Variants in TBC1D14 observed in about 807,000 individuals in gnomAD.
The protein encoded by TBC1D14 is TBC1 domain family member 14.
Under a neutral mutation model 79.0 loss-of-function variants are expected in TBC1D14, and 26 were observed. That is an observed-to-expected ratio of 0.33 (90% CI 0.24 to 0.46). The LOEUF is 0.46. TBC1D14 is among the 20% of genes least tolerant of loss of function. The pLI, the probability that TBC1D14 is intolerant of heterozygous loss-of-function variation, is 1.00. For synonymous variants in TBC1D14, 394 were observed against 349.9 expected, an observed-to-expected ratio of 1.13 and a Z score of -1.40; for missense variants, 769 against 887.6, an observed-to-expected ratio of 0.87 and a Z score of 1.70.
chr4:7,020,534 G>A (rs1030628062), intron 12 of TBC1D14, among the ~76,000 whole-genome samples: 2 of 152,178 alleles, frequency 1.3e-5, no homozygotes, highest in Admixed American at 6.5e-5. Context: ...GGTCAGGTTG[G>A]GAAAATGGGG....
intron 3 of TBC1D14, among the ~76,000 whole-genome samples, chr4:6,986,968 A>G (rs1451754737): frequency 6.6e-6 from 1 of 152,216 alleles, no homozygotes; most frequent in African/African-American, 2.4e-5. Flanking sequence ...TCTTTTGGCA[A>G]CACGTTTCTC....
At chr4:6,984,445 A>G (rs1717643621) in intron 3 of TBC1D14, among the ~76,000 whole-genome samples, 1 of 151,856 alleles carries the variant, frequency 6.6e-6, no homozygotes, top group Non-Finnish European at 1.5e-5. Context: ...CCAAAAAACA[A>G]CCTTGCTGCA....
At chr4:6,945,152 G>A (rs1713306807) in intron 2 of TBC1D14, among the ~76,000 whole-genome samples, 1 of 152,156 alleles carries the variant, frequency 6.6e-6, no homozygotes, top group Admixed American at 6.5e-5. Flanking sequence ...TCTGAGCTTG[G>A]CATTTTCCAT....
rs1016375340 is a variant in TBC1D14, at chr4:7,032,661, C to G, written c.*2269C>G. ...CAGAAAGTTCTAAGTTCTGAGTCCC[C>G]GGCCAGGGTCCCTTAACACCTCGGC... On this transcript the variant is annotated 3_prime_UTR_variant, in exon 14 of 14. Transcript: ENST00000409757. The G allele has an allele frequency of 6.6e-6, 1 of 152,240 alleles. No homozygotes were observed. The highest frequency in any genetic ancestry group is 1.5e-5 in the Non-Finnish European group (1 of 68,066). The allele number at this position is 152,240 out of a possible 1,614,324, so 9.4% of individuals were successfully genotyped here. A position where few individuals can be genotyped will look rare whatever the true frequency, so the allele number is the denominator to read the frequency against.
intron 3 of TBC1D14, among the ~76,000 whole-genome samples, chr4:6,985,130 T>C (rs1444067989): frequency 6.6e-6 from 1 of 152,228 alleles, no homozygotes; most frequent in East Asian, 1.9e-4. Context: ...CCATTTGCAG[T>C]ATTATGACAT....
At chr4:6,955,313 G>T (rs1714522139) in intron 2 of TBC1D14, among the ~76,000 whole-genome samples, 1 of 152,230 alleles carries the variant, frequency 6.6e-6, no homozygotes, top group African/African-American at 2.4e-5. Flanking sequence ...TACCTTTGGT[G>T]AATAACAGGA....
chr4:7,013,024 T>A (rs1160920234), intron 11 of TBC1D14, among the ~76,000 whole-genome samples: 4 of 152,232 alleles, frequency 2.6e-5, no homozygotes, highest in Non-Finnish European at 5.9e-5. Flanking sequence ...TTCTGCTGAT[T>A]TTGAAGATAA....
chr4:6,947,357 C>A (rs1182776198), intron 2 of TBC1D14, among the ~76,000 whole-genome samples: 1 of 152,070 alleles, frequency 6.6e-6, no homozygotes, highest in Non-Finnish European at 1.5e-5. Flanking sequence ...AATTAGCCGG[C>A]TGTGGTGGCG....
chr4:6,910,383 TG>T (rs1390139419), intron 1 of TBC1D14: 2 of 152,112 alleles, frequency 1.3e-5, no homozygotes, highest in African/African-American at 4.8e-5. Flanking sequence ...TTGGAGCCCC[TG>T]ACCCCGCTTT....
At chr4:6,944,133 C>G (rs2108983839) in intron 2 of TBC1D14, among the ~76,000 whole-genome samples, 1 of 152,292 alleles carries the variant, frequency 6.6e-6, no homozygotes, top group South Asian at 2.1e-4. Context: ...CGGCGTCGTT[C>G]TATTTTTGTC....
chr4:6,928,018 AG>A (rs1191984175), intron 2 of TBC1D14, among the ~76,000 whole-genome samples: 23 of 152,138 alleles, frequency 1.5e-4, no homozygotes, highest in Admixed American at 5.2e-4. Flanking sequence ...CACAGAAGAT[AG>A]GGTTGGGCTT....
intron 3 of TBC1D14, among the ~76,000 whole-genome samples, chr4:6,989,921 G>T (rs562890773): frequency 4.6e-5 from 7 of 152,280 alleles, no homozygotes; most frequent in African/African-American, 1.2e-4. Flanking sequence ...CTTATAAGCT[G>T]CCCAGAGCAG....
chr4:6,914,899 C>G (rs182544936), intron 1 of TBC1D14, among the ~76,000 whole-genome samples: 1 of 152,078 alleles, frequency 6.6e-6, no homozygotes, highest in Non-Finnish European at 1.5e-5. Context: ...ATTAGCCGGG[C>G]GTGGTGGTGG....
In TBC1D14 at chr4:6,979,209, AAAG is replaced by A. The variant is rs140165307; in HGVS notation, c.843+11787_843+11789del. ...GGAAAGAAGACATGGAGGAAGAAAA[AAAG>A]AGAAAACAAATGAGATGGTAGACCT... is the stretch of plus-strand genomic sequence containing the variant. On this transcript the variant is annotated intron_variant, in intron 3 of 13. Transcript: ENST00000409757. Among the ~76,000 whole-genome samples the A allele has an allele frequency of 1.8e-3, 267 of 152,326 alleles. 4 individuals are homozygous for A. The East Asian group carries it at 0.048, about 28-fold the overall frequency.
intron 2 of TBC1D14, among the ~76,000 whole-genome samples, chr4:6,939,209 A>G (rs1712650062): frequency 1.3e-5 from 2 of 152,158 alleles, no homozygotes; most frequent in Admixed American, 1.3e-4. Flanking sequence ...AGCAGGAAGA[A>G]CCTTCTGGAA....
intron 3 of TBC1D14, chr4:6,987,574 G>A: frequency 4.9e-6 from 2 of 405,134 alleles, no homozygotes; most frequent in East Asian, 7.2e-5. Flanking sequence ...GGTACTCTTT[G>A]TGTCTGTGTT....
chr4:6,977,621 A>G (rs1399942240), intron 3 of TBC1D14, among the ~76,000 whole-genome samples: 1 of 135,678 alleles, frequency 7.4e-6, no homozygotes, highest in Non-Finnish European at 1.6e-5. Context: ...CTGGCTACCC[A>G]GTCTGGAAAG....
At chr4:6,930,074 A>G (rs1711589396) in intron 2 of TBC1D14, among the ~76,000 whole-genome samples, 1 of 152,206 alleles carries the variant, frequency 6.6e-6, no homozygotes. Flanking sequence ...TGAATGAGAA[A>G]TCAGAGGTGC....
chr4:6,931,316 A>T (rs893315298), intron 2 of TBC1D14, among the ~76,000 whole-genome samples: 3 of 152,222 alleles, frequency 2.0e-5, no homozygotes, highest in Non-Finnish European at 4.4e-5. Flanking sequence ...CGATTGCAGA[A>T]TGTCTGCACT....
Sources: gnomAD v4.1 joint callset for allele counts (sites outside exome capture counted in the v4.1 genomes callset) on GRCh38, gnomAD v4.1.1 for gene constraint, MANE v1.5 for transcripts, NCBI Gene and HGNC (gene_info 2026-07-23, HGNC 2026-07-21) for gene names.